EPHB2: variants seen among roughly 807,000 people sequenced by gnomAD.
EPHB2 encodes the protein ephrin type-B receptor 2.
Under a neutral mutation model 96.4 loss-of-function variants are expected in EPHB2, and 18 were observed. The ratio of observed to expected loss-of-function variants is 0.19; its 90% CI spans 0.13 to 0.28. The LOEUF is 0.28. Among genes scored for constraint, EPHB2 ranks in the 10% least tolerant of loss-of-function variants. The probability of loss-of-function intolerance (pLI) is 1.00; values close to 1 mark genes in which losing one functional copy is unlikely to be tolerated. For synonymous variants in EPHB2, 506 were observed against 534.1 expected, an observed-to-expected ratio of 0.95 and a Z score of 0.72; for missense variants, 989 against 1,355.4, an observed-to-expected ratio of 0.73 and a Z score of 4.25.
At chr1:22,854,791 A>G (rs761983569) in intron 3 of EPHB2, among the ~76,000 whole-genome samples, 20 of 152,176 alleles carry the variant, frequency 1.3e-4, no homozygotes, top group Non-Finnish European at 2.4e-4. Flanking sequence ...CTTTGCCCAC[A>G]GTACGGAGGA....
intron 3 of EPHB2, among the ~76,000 whole-genome samples, chr1:22,788,373 T>C (rs1644641405): frequency 6.6e-6 from 1 of 152,224 alleles, no homozygotes; most frequent in South Asian, 2.1e-4. Flanking sequence ...CCACTGAGTG[T>C]GAGTGGGGTC....
chr1:22,911,372 C>T (rs1365931099), intron 14 of EPHB2, among the ~76,000 whole-genome samples: 4 of 152,078 alleles, frequency 2.6e-5, no homozygotes, highest in Non-Finnish European at 4.4e-5. Flanking sequence ...CATGCCTCTT[C>T]ACACACACAG....
rs372145320 is a variant in EPHB2 at position 22,731,354 on chromosome 1, G to A, written c.61+20311G>A. On this transcript the variant is annotated intron_variant, in intron 1 of 15. Transcript: ENST00000374630. ...CCTCTTTTGAGCTGGGGGCTGCACT[G>A]GGGGATTAGCGGACCACCGAGGGGC... Among the ~76,000 whole-genome samples, 18 of 151,904 alleles carry A rather than the reference G, an allele frequency of 1.2e-4. No homozygotes were observed. The East Asian group carries it at 3.3e-3, about 28-fold the overall frequency.
At position 22,912,059 on chromosome 1, in the gene EPHB2, T is replaced by C. The variant is rs557291419; in HGVS notation, c.2697-385T>C. On this transcript the variant is annotated intron_variant, in intron 14 of 15. Coordinates refer to ENST00000374630, the MANE Select transcript of EPHB2 (RefSeq NM_017449.5). ...GGAGAATGGCACTGGGAGAGGAAACTGTGAATAACCAGAATAGTTAGTCTA... is the reference window on the plus strand; with the variant it reads ...GGAGAATGGCACTGGGAGAGGAAACCGTGAATAACCAGAATAGTTAGTCTA... 3.3e-5 allele frequency among the ~76,000 whole-genome samples: 5 copies of C among 152,236 alleles called. No homozygotes were observed. The East Asian group carries it at 9.7e-4, about 30-fold the overall frequency.
At position 22,906,151 on chromosome 1, in the gene EPHB2, T is replaced by G. The variant is rs1461430751; in HGVS notation, c.1888+42T>G. On this transcript the variant is annotated intron_variant, in intron 10 of 15. Coordinates refer to ENST00000374630, the MANE Select transcript of EPHB2 (RefSeq NM_017449.5). This position sits in a 1 kb window ranked among gnomAD's most constrained non-coding sequence, Gnocchi z 4.8. ...CTCACATGTACTATGACCTTAGCCA[T>G]GGCTGGTGAGACCACCCCAATGTAT... 1 of 1,613,948 alleles carries G rather than the reference T, an allele frequency of 6.2e-7. No homozygotes were observed. Among genetic ancestry groups the G allele is most frequent in the Non-Finnish European group, 8.5e-7 (1 of 1,179,986 alleles).
At position 22,865,140 on chromosome 1, in the gene EPHB2, G is replaced by A. The variant is rs2148527774; in HGVS notation, c.1231G>A (p.Val411Met). The part of the protein sequence containing the change: ...HTQYTFEIQA[V>M]NGVTDQSPFS... The stretch of plus-strand genomic sequence containing the variant: ...CCAGTACACCTTCGAGATCCAGGCT[G>A]TGAACGGCGTTACTGACCAGAGCCC... Residue 411 changes from valine to methionine, a missense_variant, in exon 5 of 16, where the codon GTG becomes ATG. Coordinates refer to ENST00000374630, the MANE Select transcript of EPHB2 (RefSeq NM_017449.5). The A allele has an allele frequency of 6.2e-7, 1 of 1,614,224 alleles. No homozygotes were observed. The highest frequency in any genetic ancestry group is 8.5e-7 in the Non-Finnish European group (1 of 1,180,040).
At chr1:22,845,336 A>C (rs879431930) in intron 3 of EPHB2, among the ~76,000 whole-genome samples, 22 of 152,350 alleles carry the variant, frequency 1.4e-4, no homozygotes, top group Admixed American at 1.4e-3. Context: ...CCGTCATTTA[A>C]TAGAAGATAA....
At chr1:22,851,719 C>T (rs1269143916) in intron 3 of EPHB2, among the ~76,000 whole-genome samples, 4 of 152,244 alleles carry the variant, frequency 2.6e-5, no homozygotes, top group African/African-American at 9.6e-5. Flanking sequence ...TCCTTCCTCT[C>T]CTGGCCTTGA....
At position 22,906,912 on chromosome 1, in the gene EPHB2, C is replaced by A. The variant is rs2124106116; in HGVS notation, c.2091C>A (p.Ile697=). Residue 697 remains isoleucine, a synonymous_variant, in exon 11 of 16, where the codon ATC becomes ATA. Coordinates refer to ENST00000374630, the MANE Select transcript of EPHB2 (RefSeq NM_017449.5). This position sits in a 1 kb window ranked among gnomAD's most constrained non-coding sequence, Gnocchi z 4.8. Reference sequence around the variant, plus strand: ...TGACCAAGAGCACACCTGTGATGATCATCACCGAGTTCATGGAGAATGGCT... The same window carrying A: ...TGACCAAGAGCACACCTGTGATGATAATCACCGAGTTCATGGAGAATGGCT... ...GVVTKSTPVM[I]ITEFMENGSL... 6.2e-7 allele frequency: 1 copy of A among 1,613,906 alleles called. No homozygotes were observed. Among genetic ancestry groups the A allele is most frequent in the African/African-American group, 1.3e-5 (1 of 75,044 alleles).
Position 22,863,171 on chromosome 1 carries a change from C to A in EPHB2, c.946C>A (p.Pro316Thr). The stretch of plus-strand genomic sequence containing the variant: ...TGGCTACTACAGAGCAGACCTGGAC[C>A]CCCTGGACATGCCCTGCACAAGTAA... Reference protein sequence around the residue: ...RNGYYRADLDPLDMPCTTIPS... With the variant: ...RNGYYRADLDTLDMPCTTIPS... Residue 316 changes from proline to threonine, a missense_variant, in exon 4 of 16, where the codon CCC (proline) becomes ACC (threonine). By Grantham distance (38) the Pro-to-Thr change is conservative. Transcript: ENST00000374630. The A allele has an allele frequency of 6.2e-7, 1 of 1,614,190 alleles. No homozygotes were observed. The highest frequency in any genetic ancestry group is 8.5e-7 in the Non-Finnish European group (1 of 1,180,046).
intron 3 of EPHB2, 49 bp from the exon 4 acceptor site, chr1:22,862,979 GTGACCTCTC>G: frequency 1.9e-6 from 3 of 1,612,118 alleles, no homozygotes; most frequent in Non-Finnish European, 2.5e-6. Context: ...TGCGTGGCTC[GTGACCTCTC>G]TGAGTCTTCA....
At chr1:22,839,129 T>G (rs937853109) in intron 3 of EPHB2, among the ~76,000 whole-genome samples, 4 of 152,138 alleles carry the variant, frequency 2.6e-5, no homozygotes, top group East Asian at 1.9e-4. Flanking sequence ...TTGCCACTTC[T>G]CTGCTGAATC....
chr1:22,728,754 A>C (rs1643638171), intron 1 of EPHB2, among the ~76,000 whole-genome samples: 4 of 152,216 alleles, frequency 2.6e-5, no homozygotes, highest in African/African-American at 9.6e-5. Context: ...CATGACCCCC[A>C]ATCCCGAAGG....
In EPHB2 at chr1:22,860,795, G is replaced by A. The variant is rs777833532; in HGVS notation, c.812-2242G>A. 2.0e-5 allele frequency among the ~76,000 whole-genome samples: 3 copies of A among 152,260 alleles called. No homozygotes were observed. The highest frequency in any genetic ancestry group is 7.2e-5 in the African/African-American group (3 of 41,562). On this transcript the variant is annotated intron_variant, in intron 3 of 15. Coordinates refer to ENST00000374630, the MANE Select transcript of EPHB2 (RefSeq NM_017449.5). The surrounding 1 kb of genome is among the most constrained non-coding windows in gnomAD (Gnocchi z 4.6). ...CAGAGGAGGAAACCCGTTCAGAGAG[G>A]CCGACTGCTCGACCAGAGCTGGGGC...
intron 6 of EPHB2, chr1:22,882,933 A>C: frequency 4.2e-6 from 1 of 235,682 alleles, no homozygotes; most frequent in Non-Finnish European, 8.5e-6. Context: ...TAAAACACCC[A>C]CTTTCACTCG....
At position 22,786,625 on chromosome 1, in the gene EPHB2, A is replaced by G. The variant is rs188943358; in HGVS notation, c.811+1549A>G. ...ACCTAGAAGGACAGATGGGGGTGCC[A>G]GAGACAGGAGGAAGGGGCCTATAAG... On this transcript the variant is annotated intron_variant, in intron 3 of 15. Coordinates refer to ENST00000374630, the MANE Select transcript of EPHB2 (RefSeq NM_017449.5). Among the ~76,000 whole-genome samples the G allele has an allele frequency of 2.4e-4, 36 of 152,352 alleles. No homozygotes were observed. In the East Asian group the frequency reaches 6.4e-3, roughly 27 times the overall value.
chr1:22,803,363 T>C (rs1438765286), intron 3 of EPHB2, among the ~76,000 whole-genome samples: 2 of 151,986 alleles, frequency 1.3e-5, no homozygotes, highest in Admixed American at 1.3e-4. Flanking sequence ...TCTCAGCACT[T>C]TGGGAGGCTG....
At position 22,912,560 on chromosome 1, in the gene EPHB2, G is replaced by A; in HGVS notation, c.2813G>A (p.Gly938Asp). ...GQYKESFANAGFTSFDVVSQM... is the reference protein window; with the variant it reads ...GQYKESFANADFTSFDVVSQM... ...TACAAGGAGAGCTTCGCCAATGCCG[G>A]CTTCACCTCCTTTGACGTCGTGTCT... Residue 938 changes from glycine (G) to aspartate (D), a missense_variant, in exon 15 of 16, where the codon GGC (glycine) becomes GAC (aspartate). Gly to Asp is a moderately conservative substitution (Grantham distance 94). Coordinates refer to ENST00000374630, the MANE Select transcript of EPHB2 (RefSeq NM_017449.5). 3 of 1,614,074 alleles carry A rather than the reference G, an allele frequency of 1.9e-6. No individual in the cohort carries two copies. The highest frequency in any genetic ancestry group is 2.5e-6 in the Non-Finnish European group (3 of 1,180,028).
intron 1 of EPHB2, among the ~76,000 whole-genome samples, chr1:22,741,696 AC>A (rs1643906541): frequency 2.2e-5 from 3 of 137,388 alleles, no homozygotes; most frequent in South Asian, 2.4e-4. Flanking sequence ...AAACAAAAAA[AC>A]AAAAAACCTC....
Sources: gnomAD v4.1 joint callset for allele counts (sites outside exome capture counted in the v4.1 genomes callset) on GRCh38, gnomAD v4.1.1 for gene constraint, Gnocchi (gnomAD v3.1) non-coding constraint, MANE v1.5 for transcripts, NCBI Gene and HGNC (gene_info 2026-07-23, HGNC 2026-07-21) for gene names.